Variants in HSD17B8 observed in about 807,000 individuals in gnomAD.
The protein encoded by HSD17B8 is hydroxysteroid 17-beta dehydrogenase 8.
HSD17B8 carries 23 observed loss-of-function variants against 33.2 expected under a neutral mutation model. The observed-to-expected ratio is 0.69, with a 90% CI of 0.50 to 0.98. The LOEUF is 0.98. HSD17B8 is among the 50% of genes least tolerant of loss of function. The pLI is 0.00. For missense variants in HSD17B8, 345 were observed against 347.5 expected, an observed-to-expected ratio of 0.99 and a Z score of 0.06; for synonymous variants, 137 against 138.6, an observed-to-expected ratio of 0.99 and a Z score of 0.08.
In HSD17B8 at chr6:33,206,195, G is replaced by A. The variant is rs373516279; in HGVS notation, c.694+19G>A. 1,109 of 1,611,420 alleles carry A rather than the reference G, an allele frequency of 6.9e-4. 9 individuals are homozygous for A. In the African/African-American group the frequency reaches 0.014, roughly 20 times the overall value. On this transcript the variant is annotated intron_variant, in intron 7 of 8. Coordinates refer to ENST00000374662, the MANE Select transcript of HSD17B8 (RefSeq NM_014234.5). This position sits in a 1 kb window ranked among gnomAD's most constrained non-coding sequence, Gnocchi z 6.2. Reference sequence around the variant, plus strand: ...CCTGAGGGTGAGCACTGAATGTAGTGGGGTCCCTGGGAAGGGGGCCTGAAT... The same window carrying A: ...CCTGAGGGTGAGCACTGAATGTAGTAGGGTCCCTGGGAAGGGGGCCTGAAT...
rs769226572 is a variant in HSD17B8, at chr6:33,205,590, AC to A, written c.481-46del. The stretch of plus-strand genomic sequence containing the variant: ...CCAGCCAAGTGGTATAGAGAGGAGA[AC>A]CCCTCCTTGAGACTCCTGACTCATT... On this transcript the variant is annotated intron_variant, in intron 4 of 8. Coordinates refer to ENST00000374662, the MANE Select transcript of HSD17B8 (RefSeq NM_014234.5). The surrounding 1 kb of genome is among the most constrained non-coding windows in gnomAD (Gnocchi z 5.0). 6.2e-7 allele frequency: 1 copy of A among 1,609,916 alleles called. No homozygotes were observed. The highest frequency in any genetic ancestry group is 1.1e-5 in the South Asian group (1 of 90,998).
Position 33,205,722 on chromosome 6 carries a change from G to T in HSD17B8, c.563G>T (p.Gly188Val). 6.2e-7 allele frequency: 1 copy of T among 1,613,086 alleles called. No individual in the cohort carries two copies. Among genetic ancestry groups the T allele is most frequent in the African/African-American group, 1.3e-5 (1 of 75,036 alleles). The change falls in exon 5 of 9, where the codon GGA (glycine) becomes GTA (valine). Residue 188 changes from glycine (G) to valine (V), a missense_variant. Transcript: ENST00000374662. The surrounding 1 kb of genome is among the most constrained non-coding windows in gnomAD (Gnocchi z 5.0). The stretch of plus-strand genomic sequence containing the variant: ...ACCCAGACCGCAGCCCGGGAGCTTG[G>T]ACGGTTGGTCAGATGCTTGAGGGTG... The part of the protein sequence containing the change: ...GLTQTAAREL[G>V]RHGIRCNSVL...
chr6:33,206,304 G>T lies in HSD17B8; in HGVS notation c.695-71G>T. ...AGGTTTGTGGGGAGGGATGTCTTTG[G>T]TGGGAGATTATGGCTGTTTTGGGTC... On this transcript the variant is annotated intron_variant, in intron 7 of 8. Transcript: ENST00000374662. The surrounding 1 kb of genome is among the most constrained non-coding windows in gnomAD (Gnocchi z 6.2). 1 of 1,562,446 alleles carries T rather than the reference G, an allele frequency of 6.4e-7. No individual in the cohort carries two copies. The highest frequency in any genetic ancestry group is 8.8e-7 in the Non-Finnish European group (1 of 1,134,502).
Position 33,205,038 on chromosome 6 carries a change from G to T in HSD17B8, c.189G>T (p.Gly63=), listed in dbSNP as rs1311891839. The T allele has an allele frequency of 1.3e-6, 2 of 1,546,048 alleles. No individual in the cohort carries two copies. The highest frequency in any genetic ancestry group is 2.3e-5 in the East Asian group (1 of 44,062). The stretch of plus-strand genomic sequence containing the variant: ...TGGGCGGGCCAGGGAGCAAGGAGGG[G>T]CCGCCCCGAGGGAACCATGCTGCCT... ...RLLGGPGSKE[G]PPRGNHAAFQ... The change falls in exon 2 of 9, where the codon GGG becomes GGT. Residue 63 remains glycine (G), a synonymous_variant. Transcript: ENST00000374662. This position sits in a 1 kb window ranked among gnomAD's most constrained non-coding sequence, Gnocchi z 5.0.
Position 33,206,684 on chromosome 6 carries a change from C to G in HSD17B8, c.*30C>G, listed in dbSNP as rs1450129071. ...CTCAAGGACCCTGGACTCTGCTCAC[C>G]CCCCCACCACTCTGCCTGGCCTCCT... On this transcript the variant is annotated 3_prime_UTR_variant, in exon 9 of 9. Transcript: ENST00000374662. The surrounding 1 kb of genome is among the most constrained non-coding windows in gnomAD (Gnocchi z 6.2). 2 of 1,610,844 alleles carry G rather than the reference C, an allele frequency of 1.2e-6. No homozygotes were observed. Among genetic ancestry groups the G allele is most frequent in the Non-Finnish European group, 1.7e-6 (2 of 1,177,096 alleles).
chr6:33,205,793 C>G lies in HSD17B8; in HGVS notation c.567-35C>G. 6.2e-7 allele frequency: 1 copy of G among 1,610,358 alleles called. No homozygotes were observed. On this transcript the variant is annotated intron_variant, in intron 5 of 8. Transcript: ENST00000374662. This position sits in a 1 kb window ranked among gnomAD's most constrained non-coding sequence, Gnocchi z 5.0. ...CTGAGGGAGGTACCAGCATTCAGCC[C>G]TCTCCAGAATCGGCAGCCACTCTCC... is the stretch of plus-strand genomic sequence containing the variant.
rs1775100290 is a variant in HSD17B8 at position 33,206,828 on chromosome 6, G to A, written c.*174G>A. 1.8e-5 allele frequency: 12 copies of A among 667,218 alleles called. No individual in the cohort carries two copies. In the South Asian group the frequency reaches 1.9e-4, roughly 11 times the overall value. 41.3% of individuals were successfully genotyped at this position (667,218 alleles called of 1,614,324 possible). ...TAATAAATTCCAAGTCCTCTTCCCT[G>A]CCACCTCCGGCTCTTCTTGTGTCCA... On this transcript the variant is annotated 3_prime_UTR_variant, in exon 9 of 9. Transcript: ENST00000374662. The surrounding 1 kb of genome is among the most constrained non-coding windows in gnomAD (Gnocchi z 6.2).
In HSD17B8 at chr6:33,206,523, G is replaced by A; in HGVS notation, c.769+74G>A. On this transcript the variant is annotated intron_variant, in intron 8 of 8. Coordinates refer to ENST00000374662, the MANE Select transcript of HSD17B8 (RefSeq NM_014234.5). This position sits in a 1 kb window ranked among gnomAD's most constrained non-coding sequence, Gnocchi z 6.2. Reference sequence around the variant, plus strand: ...CTATATGAGAAAGCAAGTAAGGGGAGTCTGGAGCCACTGGGAAGGGCAGAG... The same window carrying A: ...CTATATGAGAAAGCAAGTAAGGGGAATCTGGAGCCACTGGGAAGGGCAGAG... 1 of 1,563,990 alleles carries A rather than the reference G, an allele frequency of 6.4e-7. No individual in the cohort carries two copies. Among genetic ancestry groups the A allele is most frequent in the Non-Finnish European group, 8.8e-7 (1 of 1,134,702 alleles).
chr6:33,205,974 AG>A lies in HSD17B8; in HGVS notation c.651+63del. 3.2e-6 allele frequency: 2 copies of A among 618,258 alleles called. No individual in the cohort carries two copies. Among genetic ancestry groups the A allele is most frequent in the Non-Finnish European group, 4.4e-6 (2 of 450,380 alleles). 38.3% of individuals were successfully genotyped at this position (618,258 alleles called of 1,614,324 possible). A position where few individuals can be genotyped will look rare whatever the true frequency, so the allele number is the denominator to read the frequency against. ...GACTCAATCTCTCTGGGCTTCACAG[AG>A]AGAGAGAGAGAGAGAGAGAGAGAAT... On this transcript the variant is annotated intron_variant, in intron 6 of 8. Coordinates refer to ENST00000374662, the MANE Select transcript of HSD17B8 (RefSeq NM_014234.5). This position sits in a 1 kb window ranked among gnomAD's most constrained non-coding sequence, Gnocchi z 5.0.
In HSD17B8 at chr6:33,205,304, T is replaced by G; in HGVS notation, c.354T>G (p.Asp118Glu). 6.2e-7 allele frequency: 1 copy of G among 1,613,476 alleles called. No individual in the cohort carries two copies. Among genetic ancestry groups the G allele is most frequent in the Non-Finnish European group, 8.5e-7 (1 of 1,179,998 alleles). Residue 118 changes from aspartate (D) to glutamate (E), a missense_variant, in exon 3 of 9, where the codon GAT becomes GAG. Transcript: ENST00000374662. This position sits in a 1 kb window ranked among gnomAD's most constrained non-coding sequence, Gnocchi z 5.0. ...QDEFLLHMSE[D>E]DWDKVIAVNL... ...AGTTTCTGCTGCACATGTCTGAGGA[T>G]GACTGGGACAAAGTCATAGCTGTCA...
In HSD17B8 at chr6:33,206,179, G is replaced by T; in HGVS notation, c.694+3G>T. On this transcript the variant is annotated splice_donor_region_variant and intron_variant, in intron 7 of 8. Coordinates refer to ENST00000374662, the MANE Select transcript of HSD17B8 (RefSeq NM_014234.5). The surrounding 1 kb of genome is among the most constrained non-coding windows in gnomAD (Gnocchi z 6.2). ...GGGACACTTGGGGGACCCTGAGGGT[G>T]AGCACTGAATGTAGTGGGGTCCCTG... The T allele has an allele frequency of 1.9e-6, 3 of 1,612,884 alleles. No individual in the cohort carries two copies. The highest frequency in any genetic ancestry group is 1.1e-5 in the South Asian group (1 of 91,076).
rs760218875 is a variant in HSD17B8 at position 33,206,688 on chromosome 6, C to T, written c.*34C>T. 6.8e-6 allele frequency: 11 copies of T among 1,610,340 alleles called. No homozygotes were observed. In the Admixed American group the frequency reaches 1.5e-4, roughly 22 times the overall value. ...AGGACCCTGGACTCTGCTCACCCCC[C>T]CACCACTCTGCCTGGCCTCCTGCTG... On this transcript the variant is annotated 3_prime_UTR_variant, in exon 9 of 9. Coordinates refer to ENST00000374662, the MANE Select transcript of HSD17B8 (RefSeq NM_014234.5). This position sits in a 1 kb window ranked among gnomAD's most constrained non-coding sequence, Gnocchi z 6.2.
Position 33,206,644 on chromosome 6 carries a change from T to C in HSD17B8, c.776T>C (p.Leu259Pro), listed in dbSNP as rs1327896636. The change falls in exon 9 of 9, where the codon CTT (leucine) becomes CCT (proline). Residue 259 changes from leucine to proline, a missense_variant. Transcript: ENST00000374662. The surrounding 1 kb of genome is among the most constrained non-coding windows in gnomAD (Gnocchi z 6.2). ...ATGTTTCTGCCCCTCCCAGGAGGTC[T>C]TTTCATGTAACTGCCTCAAGGACCC... is the stretch of plus-strand genomic sequence containing the variant. Reference protein sequence around the residue: ...TGTSVEVTGGLFM With the variant: ...TGTSVEVTGGPFM 1.2e-6 allele frequency: 2 copies of C among 1,613,984 alleles called. No individual in the cohort carries two copies. The highest frequency in any genetic ancestry group is 1.7e-6 in the Non-Finnish European group (2 of 1,179,914).
At position 33,206,287 on chromosome 6, in the gene HSD17B8, G is replaced by C; in HGVS notation, c.695-88G>C. 6.5e-7 allele frequency: 1 copy of C among 1,549,114 alleles called. No homozygotes were observed. The highest frequency in any genetic ancestry group is 8.9e-7 in the Non-Finnish European group (1 of 1,122,552). On this transcript the variant is annotated intron_variant, in intron 7 of 8. Transcript: ENST00000374662. This position sits in a 1 kb window ranked among gnomAD's most constrained non-coding sequence, Gnocchi z 6.2. ...GGTTGGTGTCTGTGGAGAGGTTTGT[G>C]GGGAGGGATGTCTTTGGTGGGAGAT...
chr6:33,204,957 CA>C lies in HSD17B8; in HGVS notation c.109del (p.Thr37ProfsTer2). The C allele has an allele frequency of 6.8e-7, 1 of 1,464,942 alleles. No homozygotes were observed. The highest frequency in any genetic ancestry group is 9.0e-7 in the Non-Finnish European group (1 of 1,112,402). 90.7% of individuals were successfully genotyped at this position (1,464,942 alleles called of 1,614,324 possible). On this transcript the variant is annotated frameshift_variant, in exon 2 of 9. Coordinates refer to ENST00000374662, the MANE Select transcript of HSD17B8 (RefSeq NM_014234.5). LOFTEE classifies it high-confidence loss of function. ...GTGTACGCCTGGCCGGAGAGGGGGCCACCGTAGCTGCCTGCGACCTGGACCG... is the reference window on the plus strand; with the variant it reads ...GTGTACGCCTGGCCGGAGAGGGGGCCCCGTAGCTGCCTGCGACCTGGACCG... ...VSVRLAGEGA[T>X]VAACDLDRAA...
Position 33,205,644 on chromosome 6 carries a change from G to A in HSD17B8, c.485G>A (p.Gly162Glu). 1 of 1,613,074 alleles carries A rather than the reference G, an allele frequency of 6.2e-7. No individual in the cohort carries two copies. Among genetic ancestry groups the A allele is most frequent in the Non-Finnish European group, 8.5e-7 (1 of 1,180,018 alleles). Residue 162 changes from glycine to glutamate, a missense_variant, in exon 5 of 9, where the codon GGG (glycine) becomes GAG (glutamate). Transcript: ENST00000374662. This position sits in a 1 kb window ranked among gnomAD's most constrained non-coding sequence, Gnocchi z 5.0. ...INISSIVGKVGNVGQTNYAAS... is the reference protein window; with the variant it reads ...INISSIVGKVENVGQTNYAAS... ...ACATCTCTGACTCACCTATAGGTGG[G>A]GAACGTGGGGCAGACAAACTATGCA...
Position 33,205,769 on chromosome 6 carries a change from T to G in HSD17B8, c.566+44T>G. 1 of 1,610,782 alleles carries G rather than the reference T, an allele frequency of 6.2e-7. No individual in the cohort carries two copies. The highest frequency in any genetic ancestry group is 8.5e-7 in the Non-Finnish European group (1 of 1,177,960). ...GGTGCTGGGGAGCACCTGGGGGGTC[T>G]GAGGGAGGTACCAGCATTCAGCCCT... On this transcript the variant is annotated intron_variant, in intron 5 of 8. Coordinates refer to ENST00000374662, the MANE Select transcript of HSD17B8 (RefSeq NM_014234.5). The surrounding 1 kb of genome is among the most constrained non-coding windows in gnomAD (Gnocchi z 5.0).
In HSD17B8 at chr6:33,204,701, C is replaced by T. The variant is rs1583442042; in HGVS notation, c.33C>T (p.Ser11=). The part of the protein sequence containing the change: MASQLQNRLR[S]ALALVTGAGS... The stretch of plus-strand genomic sequence containing the variant: ...CTCAGCTCCAGAACCGACTCCGCTC[C>T]GCACTGGCCTTGGTCACAGGTTGAG... The change falls in exon 1 of 9, where the codon TCC becomes TCT. Residue 11 remains serine (S), a synonymous_variant. Transcript: ENST00000374662. 3 of 1,612,988 alleles carry T rather than the reference C, an allele frequency of 1.9e-6. No individual in the cohort carries two copies. The highest frequency in any genetic ancestry group is 2.2e-5 in the East Asian group (1 of 44,892).
In HSD17B8 at chr6:33,205,040, C is replaced by T; in HGVS notation, c.191C>T (p.Pro64Leu). The change falls in exon 2 of 9, where the codon CCG becomes CTG. Residue 64 changes from proline to leucine, a missense_variant. Pro to Leu is a moderately conservative substitution (Grantham distance 98, BLOSUM62 -3). Coordinates refer to ENST00000374662, the MANE Select transcript of HSD17B8 (RefSeq NM_014234.5). This position sits in a 1 kb window ranked among gnomAD's most constrained non-coding sequence, Gnocchi z 5.0. ...LLGGPGSKEG[P>L]PRGNHAAFQA... Reference sequence around the variant, plus strand: ...GGCGGGCCAGGGAGCAAGGAGGGGCCGCCCCGAGGGAACCATGCTGCCTTC... The same window carrying T: ...GGCGGGCCAGGGAGCAAGGAGGGGCTGCCCCGAGGGAACCATGCTGCCTTC... The T allele has an allele frequency of 1.3e-6, 2 of 1,546,878 alleles. No homozygotes were observed. Among genetic ancestry groups the T allele is most frequent in the Admixed American group, 2.0e-5 (1 of 50,376 alleles).
Sources: gnomAD v4.1 joint callset for allele counts on GRCh38, gnomAD v4.1.1 for gene constraint, Gnocchi (gnomAD v3.1) non-coding constraint, MANE v1.5 for transcripts, NCBI Gene and HGNC (gene_info 2026-07-23, HGNC 2026-07-21) for gene names.